The following TLR6 variants were observed in gnomAD, a reference collection of about 807,000 sequenced individuals.
TLR6 encodes toll like receptor 6.
In TLR6, 9 loss-of-function variants were observed where a neutral mutation model predicts 16.1. That is an observed-to-expected ratio of 0.56 (90% CI 0.34 to 0.98). The LOEUF (loss-of-function observed/expected upper bound fraction) is 0.98. Among genes scored for constraint, TLR6 ranks in the 50% least tolerant of loss-of-function variants. TLR6 has a pLI of 0.02. For missense variants in TLR6, 786 were observed against 921.0 expected (o/e 0.85, Z 1.90); for synonymous variants, 340 against 338.6 (o/e 1.00, Z -0.04).
intron 1 of TLR6, among the ~76,000 whole-genome samples, chr4:38,840,394 G>A (rs1018861524): frequency 1.3e-5 from 2 of 152,100 alleles, no homozygotes; most frequent in Non-Finnish European, 2.9e-5. Flanking sequence ...AGCACTTTGG[G>A]AGGCTGAGGC....
At chr4:38,824,191 C>T (rs768363953) in exon 2 of TLR6, 8 of 151,992 alleles carry the variant, frequency 5.3e-5, no homozygotes, top group East Asian at 3.9e-4. Context: ...GTTTTTACTG[C>T]GCATCTACAA....
chr4:38,863,108 C>CT, the TLR6 span, among the ~76,000 whole-genome samples: 1 of 152,082 alleles, frequency 6.6e-6, no homozygotes, highest in African/African-American at 2.4e-5. Flanking sequence ...AGAAATAGCT[C>CT]TTTTCAAGGT....
chr4:38,852,542 TAAAC>T (rs1712810637), intron 1 of TLR6, among the ~76,000 whole-genome samples: 1 of 151,472 alleles, frequency 6.6e-6, no homozygotes, highest in South Asian at 2.1e-4. Flanking sequence ...AAGAAAAAAA[TAAAC>T]AACCCCATCA....
exon 2 of TLR6, chr4:38,828,013 G>A (rs753350856): frequency 1.9e-6 from 3 of 1,614,014 alleles, no homozygotes; most frequent in South Asian, 2.2e-5. Flanking sequence ...ATCCAGGAAG[G>A]TCAGTTAAAG....
intron 1 of TLR6, among the ~76,000 whole-genome samples, chr4:38,855,799 A>C (rs73811225): frequency 0.032 from 4,903 of 152,316 alleles, 223 homozygotes; most frequent in African/African-American, 0.089. Context: ...TTATTGGGAA[A>C]AAAGGAGGGA....
chr4:38,828,798 T>A, exon 2 of TLR6: 1 of 1,613,980 alleles, frequency 6.2e-7, no homozygotes. Context: ...TTAATATTAG[T>A]CAGTTGTAAG....
upstream of TLR6, among the ~76,000 whole-genome samples, chr4:38,860,852 G>A (rs1469632363): frequency 6.6e-6 from 1 of 152,138 alleles, no homozygotes; most frequent in East Asian, 1.9e-4. Flanking sequence ...TACAAATGGT[G>A]GCCAGAACAT....
At chr4:38,827,845 A>C (rs1246060882) in exon 2 of TLR6, 1 of 1,614,238 alleles carries the variant, frequency 6.2e-7, no homozygotes, top group Admixed American at 1.7e-5. Context: ...CTTGGTCTAT[A>C]TTTTTGACAA....
intron 1 of TLR6, among the ~76,000 whole-genome samples, chr4:38,839,728 A>G (rs1712154781): frequency 6.6e-6 from 1 of 152,228 alleles, no homozygotes; most frequent in African/African-American, 2.4e-5. Context: ...AGCCAACATT[A>G]CTTATTGTAA....
At chr4:38,866,334 A>G in the TLR6 span, among the ~76,000 whole-genome samples, 1 of 150,698 alleles carries the variant, frequency 6.6e-6, no homozygotes, top group Non-Finnish European at 1.5e-5. Flanking sequence ...TCTACTAAAA[A>G]ATACAAAAAT....
At chr4:38,855,267 A>T (rs1426396272) in intron 1 of TLR6, among the ~76,000 whole-genome samples, 3 of 151,958 alleles carry the variant, frequency 2.0e-5, no homozygotes, top group Non-Finnish European at 4.4e-5. Context: ...GCAAAATATG[A>T]TTAAAACCTG....
In TLR6 at chr4:38,848,801, G is replaced by A. The variant is rs556122098; in HGVS notation, c.-65+7960C>T. On this transcript the variant is annotated intron_variant, in intron 1 of 1. Transcript: ENST00000436693. ...ATGTGAAAAGGCCAAATCTATGTCT[G>A]ATTGGTGTGCCTGAAATTGACGGGG... Among the ~76,000 whole-genome samples, 7 of 152,332 alleles carry A rather than the reference G, an allele frequency of 4.6e-5. No individual in the cohort carries two copies. In the East Asian group the frequency reaches 5.8e-4, roughly 13 times the overall value.
At chr4:38,826,507 C>T (rs905134744) in exon 2 of TLR6, 2 of 152,268 alleles carry the variant, frequency 1.3e-5, no homozygotes, top group African/African-American at 4.8e-5. Context: ...CCATATATCC[C>T]TTTACATACA....
chr4:38,842,842 A>G (rs531303326), intron 1 of TLR6, among the ~76,000 whole-genome samples: 1 of 148,820 alleles, frequency 6.7e-6, no homozygotes, highest in East Asian at 1.9e-4. Context: ...GCAATGACAC[A>G]TATACTGTGC....
chr4:38,860,344 C>T (rs1410642714), upstream of TLR6, among the ~76,000 whole-genome samples: 1 of 151,902 alleles, frequency 6.6e-6, no homozygotes, highest in African/African-American at 2.4e-5. Flanking sequence ...TGGTGGCTGG[C>T]GCCTGTAGTC....
chr4:38,863,521 A>C, the TLR6 span, among the ~76,000 whole-genome samples: 1 of 151,902 alleles, frequency 6.6e-6, no homozygotes, highest in Non-Finnish European at 1.5e-5. Context: ...ACTACCTCTA[A>C]CTCCAAACCT....
chr4:38,827,554 G>C, exon 2 of TLR6: 1 of 1,614,168 alleles, frequency 6.2e-7, no homozygotes, highest in East Asian at 2.2e-5. Flanking sequence ...CATGAAACTG[G>C]AGGTTTCTTT....
chr4:38,858,367 A>G (rs975540679), upstream of TLR6, among the ~76,000 whole-genome samples: 5 of 152,192 alleles, frequency 3.3e-5, no homozygotes, highest in Non-Finnish European at 7.3e-5. Context: ...GGTGCAAATC[A>G]TATAGTTTTT....
chr4:38,853,641 G>C (rs1189282408), intron 1 of TLR6, among the ~76,000 whole-genome samples: 1 of 152,106 alleles, frequency 6.6e-6, no homozygotes, highest in African/African-American at 2.4e-5. Context: ...AAGAGACAGG[G>C]TTTTGTCCCA....
Sources: allele counts gnomAD v4.1 joint callset (sites outside exome capture counted in the v4.1 genomes callset), GRCh38; gene constraint gnomAD v4.1.1; transcripts MANE v1.5; gene names NCBI Gene and HGNC (gene_info 2026-07-23, HGNC 2026-07-21).